VMP1: variants seen among roughly 807,000 people sequenced by gnomAD.
VMP1 encodes vacuole membrane protein 1.
A neutral mutation model predicts 56.0 loss-of-function variants in VMP1; 11 were observed. That is an observed-to-expected ratio of 0.20 (90% CI 0.12 to 0.32). The LOEUF is 0.32. Among genes scored for constraint, VMP1 ranks in the 10% least tolerant of loss-of-function variants. VMP1 has a pLI of 1.00. For missense variants in VMP1, 296 were observed against 490.3 expected, an observed-to-expected ratio of 0.60 and a Z score of 3.74; for synonymous variants, 149 against 165.0, an observed-to-expected ratio of 0.90 and a Z score of 0.74.
intron 9 of VMP1, among the ~76,000 whole-genome samples, chr17:59,812,101 G>A (rs1052949262): frequency 2.6e-5 from 4 of 152,016 alleles, no homozygotes; most frequent in African/African-American, 7.2e-5. Context: ...GCAGAAAGAT[G>A]CACATCATTT....
At chr17:59,710,553 T>TC (rs1568001153) in intron 1 of VMP1, among the ~76,000 whole-genome samples, 1 of 152,240 alleles carries the variant, frequency 6.6e-6, no homozygotes, top group Non-Finnish European at 1.5e-5. Flanking sequence ...AAACTTTTTT[T>TC]CCCTCTTTAG....
At chr17:59,742,522 C>CAATATTAAT (rs1555614992) in intron 5 of VMP1, among the ~76,000 whole-genome samples, 3 of 142,948 alleles carry the variant, frequency 2.1e-5, no homozygotes. Context: ...GTCTCAAAAA[C>CAATATTAAT]AATAATAATA....
intron 5 of VMP1, among the ~76,000 whole-genome samples, chr17:59,751,744 CAAAAAAAA>C (rs932086949): frequency 1.2e-4 from 5 of 42,592 alleles, no homozygotes; most frequent in Admixed American, 2.2e-4. Context: ...AACTCCGTCT[CAAAAAAAA>C]AAAAAAAAAA....
rs552106676 is a variant in VMP1 at position 59,747,180 on chromosome 17, A to G, written c.414+8233A>G. Among the ~76,000 whole-genome samples, 601 of 152,294 alleles carry G rather than the reference A, an allele frequency of 3.9e-3. 2 individuals carry two copies. Among genetic ancestry groups the G allele is most frequent in the Non-Finnish European group, 6.5e-3 (442 of 68,018 alleles). ...CATATTCTGTTATTTACTTGTATTC[A>G]TGCCTACCTAAAACCAGTCTACGCA... On this transcript the variant is annotated intron_variant, in intron 5 of 11. Coordinates refer to ENST00000262291, the MANE Select transcript of VMP1 (RefSeq NM_030938.5).
At chr17:59,745,999 C>T (rs374919815) in intron 5 of VMP1, among the ~76,000 whole-genome samples, 1 of 152,036 alleles carries the variant, frequency 6.6e-6, no homozygotes. Context: ...TGAATGATTC[C>T]TAGAGTGTGG....
intron 7 of VMP1, among the ~76,000 whole-genome samples, chr17:59,807,685 A>G (rs1265354082): frequency 6.6e-6 from 1 of 151,942 alleles, no homozygotes; most frequent in Non-Finnish European, 1.5e-5. Context: ...ATACAAAATT[A>G]GCTGGGCGTG....
At chr17:59,815,277 G>A (rs1964144125) in intron 9 of VMP1, among the ~76,000 whole-genome samples, 2 of 151,890 alleles carry the variant, frequency 1.3e-5, no homozygotes, top group Admixed American at 1.3e-4. Flanking sequence ...AATTTTTTAA[G>A]AAGTAGTATC....
intron 1 of VMP1, among the ~76,000 whole-genome samples, chr17:59,716,705 C>T (rs2034165333): frequency 6.6e-6 from 1 of 152,144 alleles, no homozygotes; most frequent in Non-Finnish European, 1.5e-5. Flanking sequence ...GTTTGTTAAC[C>T]TATTTTTAAA....
At chr17:59,751,666 CG>C (rs1224562839) in intron 5 of VMP1, among the ~76,000 whole-genome samples, 3 of 131,356 alleles carry the variant, frequency 2.3e-5, no homozygotes, top group Non-Finnish European at 3.1e-5. Context: ...ATTGTTTGAA[CG>C]GGGGAGGCAG....
intron 6 of VMP1, among the ~76,000 whole-genome samples, chr17:59,769,075 T>G (rs1017600038): frequency 6.6e-6 from 1 of 151,382 alleles, no homozygotes; most frequent in East Asian, 2.0e-4. Flanking sequence ...GAGCCAAGAT[T>G]GTGCCACTGC....
intron 7 of VMP1, among the ~76,000 whole-genome samples, chr17:59,785,486 C>T (rs1422074365): frequency 1.3e-5 from 2 of 152,012 alleles, no homozygotes; most frequent in African/African-American, 4.8e-5. Flanking sequence ...CCAGCCTGAC[C>T]AACATGGTGA....
intron 7 of VMP1, among the ~76,000 whole-genome samples, chr17:59,796,076 T>C (rs2037429243): frequency 6.6e-6 from 1 of 152,226 alleles, no homozygotes; most frequent in Non-Finnish European, 1.5e-5. Context: ...TCTTGCTTTG[T>C]AGGTTTCATC....
intron 7 of VMP1, among the ~76,000 whole-genome samples, chr17:59,784,142 TGA>T (rs1555621322): frequency 2.3e-4 from 30 of 130,462 alleles, no homozygotes; most frequent in African/African-American, 5.7e-4. Context: ...TGTGTGTGTG[TGA>T]GAGAGAGAGA....
At chr17:59,801,805 C>T (rs1053859390) in intron 7 of VMP1, among the ~76,000 whole-genome samples, 1 of 151,900 alleles carries the variant, frequency 6.6e-6, no homozygotes, top group Non-Finnish European at 1.5e-5. Flanking sequence ...ATTGCTTGAA[C>T]CTAGGAGGCA....
intron 7 of VMP1, among the ~76,000 whole-genome samples, chr17:59,781,742 TAAA>T (rs1454934723): frequency 6.6e-6 from 1 of 152,140 alleles, no homozygotes; most frequent in African/African-American, 2.4e-5. Flanking sequence ...AAAATACAAA[TAAA>T]GAAGAAATAG....
At chr17:59,821,977 G>A (rs1216797302) in intron 10 of VMP1, among the ~76,000 whole-genome samples, 1 of 151,934 alleles carries the variant, frequency 6.6e-6, no homozygotes. Flanking sequence ...CAAGTAACTG[G>A]GATTACAGGC....
chr17:59,714,046 GAAAA>G (rs771155795), intron 1 of VMP1, among the ~76,000 whole-genome samples: 5 of 61,780 alleles, frequency 8.1e-5, no homozygotes, highest in African/African-American at 2.5e-4. Flanking sequence ...GTCTTAAAAG[GAAAA>G]AAAAAAAAAA....
At chr17:59,748,910 A>G (rs1238857768) in intron 5 of VMP1, among the ~76,000 whole-genome samples, 3 of 143,848 alleles carry the variant, frequency 2.1e-5, no homozygotes, top group Admixed American at 7.0e-5. Flanking sequence ...TTTTTTTGAG[A>G]CAGAGTCTCA....
At chr17:59,837,296 G>T (rs1016828824) in intron 10 of VMP1, among the ~76,000 whole-genome samples, 5 of 152,018 alleles carry the variant, frequency 3.3e-5, no homozygotes, top group Non-Finnish European at 7.4e-5. Context: ...GAATCTCTTT[G>T]GCTGGCTCTA....
Sources: allele counts gnomAD v4.1 joint callset (sites outside exome capture counted in the v4.1 genomes callset), GRCh38; gene constraint gnomAD v4.1.1; transcripts MANE v1.5; gene names NCBI Gene and HGNC (gene_info 2026-07-23, HGNC 2026-07-21).